The following KANSL1 variants were observed in gnomAD, a reference collection of about 807,000 sequenced individuals.
The protein encoded by KANSL1 is KAT8 regulatory NSL complex subunit 1, also known as MLL1/MLL complex subunit KANSL1.
In KANSL1, 22 loss-of-function variants were observed where a neutral mutation model predicts 103.6. The ratio of observed to expected loss-of-function variants is 0.21; its 90% CI spans 0.15 to 0.30. KANSL1 has a LOEUF of 0.30. Among genes scored for constraint, KANSL1 ranks in the 10% least tolerant of loss-of-function variants. The pLI is 1.00. For synonymous variants in KANSL1, 600 were observed against 527.6 expected (o/e 1.14, Z -1.88); for missense variants, 1,337 against 1,399.8 (o/e 0.96, Z 0.72).
intron 2 of KANSL1, among the ~76,000 whole-genome samples, chr17:46,145,870 A>G (rs903811385): frequency 2.0e-5 from 3 of 152,182 alleles, no homozygotes; most frequent in African/African-American, 7.2e-5. Flanking sequence ...CTGGGATTAC[A>G]GGCGTCGACC....
intron 2 of KANSL1, among the ~76,000 whole-genome samples, chr17:46,165,004 G>C (rs1156785292): frequency 6.6e-6 from 1 of 152,194 alleles, no homozygotes; most frequent in African/African-American, 2.4e-5. Flanking sequence ...TTACTCCTGA[G>C]GCTGAGGCAG....
Position 46,191,309 on chromosome 17 carries a change from A to G in KANSL1, c.-90+1514T>C, listed in dbSNP as rs557492921. 2.0e-5 allele frequency among the ~76,000 whole-genome samples: 3 copies of G among 152,372 alleles called. No individual in the cohort carries two copies. The South Asian group carries it at 6.2e-4, about 32-fold the overall frequency. ...TACTACTCAAAAGTATTCACTGTTG[A>G]TAGGTTAAAAAAATAGTTTTAACTG... On this transcript the variant is annotated intron_variant, in intron 1 of 14. Coordinates refer to ENST00000432791, the MANE Select transcript of KANSL1 (RefSeq NM_015443.4).
intron 10 of KANSL1, chr17:46,035,916 T>C (rs965120442): frequency 3.3e-5 from 5 of 151,930 alleles, no homozygotes; most frequent in African/African-American, 1.2e-4. Context: ...TCATTAGGTC[T>C]AAATTAACTA....
rs1400431996 is a variant in KANSL1 at position 46,033,125 on chromosome 17, C to T, written c.2792G>A (p.Arg931Gln). Residue 931 changes from arginine to glutamine, a missense_variant, in exon 13 of 15, where the codon CGG becomes CAG. Coordinates refer to ENST00000432791, the MANE Select transcript of KANSL1 (RefSeq NM_015443.4). ...TGGCACACTCGTGGTCCACAGCCAC[C>T]GTGCCCTCTCCATCTCCTCACATTT... ...HAKCEEMERA[R>Q]WLWTTSVPPQ... is the part of the protein sequence containing the mutation. The T allele has an allele frequency of 8.7e-6, 14 of 1,603,340 alleles. No homozygotes were observed. The highest frequency in any genetic ancestry group is 2.2e-5 in the South Asian group (2 of 88,896).
Position 46,181,884 on chromosome 17 carries a change from CT to C in KANSL1, c.-89-9653del, listed in dbSNP as rs367659845. On this transcript the variant is annotated intron_variant, in intron 1 of 14. Coordinates refer to ENST00000432791, the MANE Select transcript of KANSL1 (RefSeq NM_015443.4). ...CTCTACCTGGAAGGTCCTTCTTCTA[CT>C]TTTTTTTTTTGTCCCCAAACTTACT... 2.1e-3 allele frequency among the ~76,000 whole-genome samples: 304 copies of C among 147,898 alleles called. 1 individual carries two copies. Among genetic ancestry groups the C allele is most frequent in the African/African-American group, 5.7e-3 (231 of 40,326 alleles).
At chr17:46,084,697 TA>T (rs67108405) in intron 3 of KANSL1, among the ~76,000 whole-genome samples, 24,371 of 73,982 alleles carry the variant, frequency 0.33, 2,163 homozygotes, top group South Asian at 0.42. Flanking sequence ...TTTTAAAAAT[TA>T]AAAAAAAAAA....
upstream of KANSL1, chr17:46,196,410 C>G: frequency 2.2e-6 from 1 of 456,274 alleles, no homozygotes; most frequent in Middle Eastern, 3.3e-4. Flanking sequence ...GGACAGCCTC[C>G]AAAAGAGAAC....
intron 13 of KANSL1, 60 bp downstream of exon 13, chr17:46,033,020 C>G: frequency 3.7e-6 from 5 of 1,351,614 alleles, no homozygotes; most frequent in Non-Finnish European, 5.0e-6. Flanking sequence ...TCAAGTAGGG[C>G]CCAAACTCCC....
At chr17:46,071,982 AC>A (rs1568415672) in intron 4 of KANSL1, among the ~76,000 whole-genome samples, 1 of 98,984 alleles carries the variant, frequency 1.0e-5, no homozygotes, top group Non-Finnish European at 2.4e-5. Context: ...TGCTCCCCCC[AC>A]CCCTCCCCCC....
chr17:46,097,043 T>C (rs1260574732), intron 2 of KANSL1, among the ~76,000 whole-genome samples: 1 of 152,254 alleles, frequency 6.6e-6, no homozygotes, highest in Non-Finnish European at 1.5e-5. Context: ...CATGAAATTC[T>C]GTTTCTGAGA....
chr17:46,094,542 C>A lies in KANSL1; in HGVS notation c.1431+18G>T. On this transcript the variant is annotated intron_variant, in intron 3 of 14. Coordinates refer to ENST00000432791, the MANE Select transcript of KANSL1 (RefSeq NM_015443.4). ...AGTTTTCGGCAGCATTTAAAAACAT[C>A]AGATACTTATCCCTTACCTTATTAG... is the stretch of plus-strand genomic sequence containing the variant. 1 of 1,603,360 alleles carries A rather than the reference C, an allele frequency of 6.2e-7. No individual in the cohort carries two copies. Among genetic ancestry groups the A allele is most frequent in the South Asian group, 1.1e-5 (1 of 90,342 alleles).
At chr17:46,218,826 C>T (rs560582429) in intron 1 of KANSL1, among the ~76,000 whole-genome samples, 1 of 152,218 alleles carries the variant, frequency 6.6e-6, no homozygotes, top group East Asian at 1.9e-4. Flanking sequence ...CAGTAGTAGT[C>T]CACTGAACCA....
rs1171313321 is a variant in KANSL1 at position 46,193,343 on chromosome 17, G to C, written c.-610C>G. 1 of 120,006 alleles carries C rather than the reference G, an allele frequency of 8.3e-6. No homozygotes were observed. Among genetic ancestry groups the C allele is most frequent in the Non-Finnish European group, 2.1e-5 (1 of 47,490 alleles). The allele number at this position is 120,006 out of a possible 1,614,324, so 7.4% of individuals were successfully genotyped here. On this transcript the variant is annotated 5_prime_UTR_variant, in exon 1 of 15. Coordinates refer to ENST00000432791, the MANE Select transcript of KANSL1 (RefSeq NM_015443.4). ...CTCGGTTCTCCCGCCGGCTCGGCGA[G>C]CGGTGGCGGCGGTGGCGGCGGCACT...
At position 46,167,293 on chromosome 17, in the gene KANSL1, G is replaced by C. The variant is rs139305186; in HGVS notation, c.1289+3562C>G. Among the ~76,000 whole-genome samples the C allele has an allele frequency of 4.6e-5, 7 of 152,160 alleles. No individual in the cohort carries two copies. In the East Asian group the frequency reaches 9.7e-4, roughly 21 times the overall value. ...CAGGGAAAAAAAAACAACTCTAAGA[G>C]GGAAAAACAAAGAATATAAAAGAAA... On this transcript the variant is annotated intron_variant, in intron 2 of 14. Coordinates refer to ENST00000432791, the MANE Select transcript of KANSL1 (RefSeq NM_015443.4).
intron 1 of KANSL1, among the ~76,000 whole-genome samples, chr17:46,205,858 G>C (rs2047949519): frequency 6.6e-6 from 1 of 152,020 alleles, no homozygotes; most frequent in Non-Finnish European, 1.5e-5. Context: ...TGGGTGGGCT[G>C]CTTGAGCGCA....
At chr17:46,146,159 A>G (rs540206255) in intron 2 of KANSL1, among the ~76,000 whole-genome samples, 1 of 152,340 alleles carries the variant, frequency 6.6e-6, no homozygotes, top group Admixed American at 6.5e-5. Context: ...TTGAGACTAA[A>G]CTGTGAAAAG....
chr17:46,032,748 G>A (rs752538074), intron 13 of KANSL1, among the ~76,000 whole-genome samples: 9 of 152,156 alleles, frequency 5.9e-5, no homozygotes, highest in Non-Finnish European at 1.2e-4. Flanking sequence ...TCCAAAGGAA[G>A]GTTAACTTGT....
At chr17:46,133,040 G>A (rs974311379) in intron 2 of KANSL1, among the ~76,000 whole-genome samples, 2 of 152,188 alleles carry the variant, frequency 1.3e-5, no homozygotes, top group African/African-American at 4.8e-5. Flanking sequence ...TCCATTATAT[G>A]CCAAGTACCA....
intron 2 of KANSL1, among the ~76,000 whole-genome samples, chr17:46,158,434 C>T (rs1459548436): frequency 6.6e-6 from 1 of 151,768 alleles, no homozygotes; most frequent in Non-Finnish European, 1.5e-5. Flanking sequence ...TCGATCTCGG[C>T]TCACTGCAAC....
Sources: gnomAD v4.1 joint callset for allele counts (sites outside exome capture counted in the v4.1 genomes callset) on GRCh38, gnomAD v4.1.1 for gene constraint, MANE v1.5 for transcripts, NCBI Gene and HGNC (gene_info 2026-07-23, HGNC 2026-07-21) for gene names.